Variants in SYAP1 observed in about 807,000 individuals in gnomAD.
SYAP1 encodes synapse-associated protein 1.
SYAP1 carries 3 observed loss-of-function variants against 29.6 expected under a neutral mutation model. The ratio of observed to expected loss-of-function variants is 0.10; its 90% CI spans 0.05 to 0.26. The LOEUF (loss-of-function observed/expected upper bound fraction) is 0.26. Ranked by LOEUF, SYAP1 falls within the 10% of genes least tolerant of loss-of-function variation. The pLI, the probability that SYAP1 is intolerant of heterozygous loss-of-function variation, is 1.00. For synonymous variants in SYAP1, 102 were observed against 102.7 expected (o/e 0.99, Z 0.04); for missense variants, 217 against 264.1 (o/e 0.82, Z 1.24).
intron 5 of SYAP1, 110 bp downstream of exon 5, chrX:16,743,950 C>A: frequency 2.2e-6 from 2 of 898,627 alleles, no homozygotes; most frequent in Non-Finnish European, 3.0e-6. Context: ...TAAAAGCAGG[C>A]CCCGCAGCCC....
Position 16,756,881 on chromosome X carries a change from C to A in SYAP1, c.783+160C>A, listed in dbSNP as rs148499616. ...AGGAACTAGGGCTGAGACTTGAGGA[C>A]GATTTACTGGCATATGTAATTCTAG... is the stretch of plus-strand genomic sequence containing the variant. On this transcript the variant is annotated intron_variant, in intron 7 of 8. Transcript: ENST00000380155. Among the ~76,000 whole-genome samples the A allele has an allele frequency of 7.8e-3, 874 of 111,677 alleles. 8 individuals carry two copies. The highest frequency in any genetic ancestry group is 0.013 in the Non-Finnish European group (713 of 53,113).
chrX:16,743,960 C>G, intron 5 of SYAP1, 120 bp downstream of exon 5: 2 of 802,800 alleles, frequency 2.5e-6, no homozygotes, highest in South Asian at 2.8e-5. Context: ...CCCCGCAGCC[C>G]TTTGGCAGCT....
intron 3 of SYAP1, 60 bp downstream of exon 3, chrX:16,736,292 T>G: frequency 3.9e-6 from 3 of 774,715 alleles, no homozygotes; most frequent in Non-Finnish European, 5.9e-6. Context: ...TGTTATGTGC[T>G]AGATACCACA....
chrX:16,760,353 A>G lies in SYAP1; in HGVS notation c.1053A>G (p.Glu351=), dbSNP rs1323648827. 3 of 1,190,229 alleles carry G rather than the reference A, an allele frequency of 2.5e-6. No individual in the cohort carries two copies. Among genetic ancestry groups the G allele is most frequent in the Non-Finnish European group, 3.4e-6 (3 of 887,848 alleles). Residue 351 remains glutamate (E), a synonymous_variant, in exon 9 of 9, where the codon GAA becomes GAG. Transcript: ENST00000380155. The part of the protein sequence containing the change: ...DKEIEKMLQE[E]N ...AAATAGAGAAAATGCTTCAAGAGGAAAATTAGCTGTTCCTGAAATAGAAGA... is the reference window on the plus strand; with the variant it reads ...AAATAGAGAAAATGCTTCAAGAGGAGAATTAGCTGTTCCTGAAATAGAAGA...
intron 6 of SYAP1, among the ~76,000 whole-genome samples, chrX:16,755,508 C>A (rs144643510): frequency 9.1e-6 from 1 of 109,539 alleles, no homozygotes; most frequent in East Asian, 2.9e-4. Flanking sequence ...TCTTCCCCCC[C>A]TCTCATTTTT....
chrX:16,735,590 G>A (rs1188301149), intron 2 of SYAP1, among the ~76,000 whole-genome samples: 1 of 111,250 alleles, frequency 9.0e-6, no homozygotes, highest in Non-Finnish European at 1.9e-5. Context: ...TGATACTTGG[G>A]GGTTATACTA....
At chrX:16,722,286 T>C (rs995894019) in intron 1 of SYAP1, among the ~76,000 whole-genome samples, 21 of 111,272 alleles carry the variant, frequency 1.9e-4, no homozygotes, top group African/African-American at 6.5e-4. Context: ...CCCAGCAGCT[T>C]TGGGAGGCCA....
intron 3 of SYAP1, among the ~76,000 whole-genome samples, chrX:16,741,223 G>C (rs979300606): frequency 1.8e-5 from 2 of 110,398 alleles, no homozygotes; most frequent in African/African-American, 6.6e-5. Context: ...TCTGAGACAG[G>C]GTCTCAACTC....
In SYAP1 at chrX:16,732,368, A is replaced by G. The variant is rs375301169; in HGVS notation, c.176-2859A>G. Among the ~76,000 whole-genome samples the G allele has an allele frequency of 1.7e-3, 188 of 108,592 alleles. 1 individual carries two copies. The highest frequency in any genetic ancestry group is 5.9e-3 in the African/African-American group (178 of 29,926). The allele number at this position is 108,592 out of a possible 115,157, so 94.3% of individuals were successfully genotyped here. On this transcript the variant is annotated intron_variant, in intron 1 of 8. Coordinates refer to ENST00000380155, the MANE Select transcript of SYAP1 (RefSeq NM_032796.4). ...GCTTTTGTTACATTCCAGCCTTTGCATAAGGTCACTGGCTTTTTTTTTTTT... is the reference window on the plus strand; with the variant it reads ...GCTTTTGTTACATTCCAGCCTTTGCGTAAGGTCACTGGCTTTTTTTTTTTT...
At chrX:16,731,289 A>G (rs1356960841) in intron 1 of SYAP1, among the ~76,000 whole-genome samples, 1 of 111,613 alleles carries the variant, frequency 9.0e-6, no homozygotes, top group African/African-American at 3.3e-5. Context: ...TGAGTATCCC[A>G]TTACATTTAT....
chrX:16,751,587 T>C (rs956755454), intron 5 of SYAP1, among the ~76,000 whole-genome samples: 1 of 108,927 alleles, frequency 9.2e-6, no homozygotes, highest in Non-Finnish European at 1.9e-5. Context: ...AAAAATAAAA[T>C]TTCACACACC....
intron 5 of SYAP1, among the ~76,000 whole-genome samples, chrX:16,744,384 G>A (rs759373235): frequency 1.8e-5 from 2 of 112,630 alleles, no homozygotes; most frequent in Admixed American, 9.4e-5. Flanking sequence ...AAGCTCTTCC[G>A]TGCCTTCTCC....
intron 1 of SYAP1, among the ~76,000 whole-genome samples, chrX:16,734,583 C>T (rs762839175): frequency 9.1e-6 from 1 of 110,279 alleles, no homozygotes; most frequent in African/African-American, 3.3e-5. Context: ...TATAAAGGAG[C>T]CTTGTTCTTC....
intron 5 of SYAP1, among the ~76,000 whole-genome samples, chrX:16,749,910 CAAAAAA>C (rs201193907): frequency 1.7e-5 from 1 of 58,037 alleles, no homozygotes; most frequent in Non-Finnish European, 3.4e-5. Context: ...GACTCCATCT[CAAAAAA>C]AAAAAAAAAA....
At chrX:16,748,763 T>C (rs1166529472) in intron 5 of SYAP1, among the ~76,000 whole-genome samples, 2 of 107,875 alleles carry the variant, frequency 1.9e-5, no homozygotes, top group East Asian at 5.7e-4. Context: ...TTTTTTTCTT[T>C]TTTTTTTTTG....
intron 4 of SYAP1, among the ~76,000 whole-genome samples, chrX:16,742,086 C>T (rs956203282): frequency 4.7e-5 from 5 of 105,942 alleles, no homozygotes; most frequent in African/African-American, 1.7e-4. Flanking sequence ...CTGCCTCAGC[C>T]TCCTGAATAG....
At chrX:16,758,248 T>C (rs1029843679) in intron 8 of SYAP1, among the ~76,000 whole-genome samples, 1 of 109,910 alleles carries the variant, frequency 9.1e-6, no homozygotes, top group Non-Finnish European at 1.9e-5. Flanking sequence ...TCTTGCCAGA[T>C]TGCCCAGGCT....
chrX:16,724,867 C>A (rs1254852851), intron 1 of SYAP1, among the ~76,000 whole-genome samples: 1 of 112,121 alleles, frequency 8.9e-6, no homozygotes, highest in East Asian at 2.8e-4. Context: ...TGGCAGAGAT[C>A]CTGACAGAGG....
At chrX:16,746,245 T>C (rs1363611837) in intron 5 of SYAP1, among the ~76,000 whole-genome samples, 2 of 107,583 alleles carry the variant, frequency 1.9e-5, no homozygotes, top group South Asian at 4.1e-4. Context: ...TTCTTTCTTT[T>C]TTTTTTTTTG....
Sources: allele counts gnomAD v4.1 joint callset (sites outside exome capture counted in the v4.1 genomes callset), GRCh38; gene constraint gnomAD v4.1.1; transcripts MANE v1.5; gene names NCBI Gene and HGNC (gene_info 2026-07-23, HGNC 2026-07-21).